MYH7B: variants seen among roughly 807,000 people sequenced by gnomAD.
MYH7B encodes myosin heavy chain 7B, also known as myosin-7B.
MYH7B carries 205 observed loss-of-function variants against 234.5 expected under a neutral mutation model. The ratio of observed to expected loss-of-function variants is 0.87; its 90% CI spans 0.78 to 0.98. The LOEUF is 0.98. Ranked by LOEUF, MYH7B falls within the 50% of genes least tolerant of loss-of-function variation. MYH7B has a pLI of 0.00. For synonymous variants in MYH7B, 1,193 were observed against 1,105.0 expected, an observed-to-expected ratio of 1.08 and a Z score of -1.58; for missense variants, 2,652 against 2,633.4, an observed-to-expected ratio of 1.01 and a Z score of -0.15.
chr20:34,974,393 G>T (rs951849481), intron 2 of MYH7B, among the ~76,000 whole-genome samples: 1 of 151,956 alleles, frequency 6.6e-6, no homozygotes, highest in Non-Finnish European at 1.5e-5. Flanking sequence ...GTCCTTGCAG[G>T]TTATAGTATT....
chr20:34,982,482 C>T (rs368227643), exon 10 of MYH7B: 95 of 1,613,808 alleles, frequency 5.9e-5, no homozygotes, highest in South Asian at 8.8e-5. Context: ...GCCGGTAAGA[C>T]GGTTAACACC....
At chr20:34,990,489 G>A in intron 22 of MYH7B, 179 bp downstream of exon 22, 4 of 909,398 alleles carry the variant, frequency 4.4e-6, no homozygotes, top group Non-Finnish European at 7.4e-6. Flanking sequence ...TACGCTGCCT[G>A]GGCAGGGTTT....
intron 30 of MYH7B, 109 bp from the exon 31 acceptor site, chr20:34,996,974 A>AT: frequency 1.2e-6 from 1 of 804,378 alleles, no homozygotes; most frequent in South Asian, 1.7e-5. Flanking sequence ...CAGCAGGTGC[A>AT]TGGGGTGAGG....
rs766178551 is a variant in MYH7B, at chr20:34,988,045, TC to T, written c.1417-43del. The T allele has an allele frequency of 6.3e-6, 10 of 1,589,866 alleles. No individual in the cohort carries two copies. The African/African-American group carries it at 1.2e-4, about 19-fold the overall frequency. On this transcript the variant is annotated intron_variant, in intron 18 of 44. Transcript: ENST00000262873. ...TCATGCCCCTCCCCGGGCCTCCCTT[TC>T]CCCATCTGCGAGAGGTCTGCTGAGC...
intron 2 of MYH7B, among the ~76,000 whole-genome samples, chr20:34,959,731 C>G (rs2081674912): frequency 6.6e-6 from 1 of 152,184 alleles, no homozygotes; most frequent in Non-Finnish European, 1.5e-5. Flanking sequence ...CCTGCCTCAG[C>G]CTCCCAAAGT....
chr20:34,965,579 G>A (rs1406192033), intron 2 of MYH7B, among the ~76,000 whole-genome samples: 1 of 152,250 alleles, frequency 6.6e-6, no homozygotes, highest in Non-Finnish European at 1.5e-5. Flanking sequence ...GACCTGTCTT[G>A]TGGGGTAGAC....
Position 34,990,990 on chromosome 20 carries a change from C to T in MYH7B, c.2066-14C>T, listed in dbSNP as rs1569049832. ...TGCCTGTTGACCTCTGACCTTTTCC[C>T]CTCTCACGTCCAGGGGTCATGGATG... On this transcript the variant is annotated splice_polypyrimidine_tract_variant and intron_variant, in intron 23 of 44. Coordinates refer to ENST00000262873, the Ensembl canonical transcript of MYH7B. 3 of 1,604,714 alleles carry T rather than the reference C, an allele frequency of 1.9e-6. No individual in the cohort carries two copies. The highest frequency in any genetic ancestry group is 1.7e-5 in the Admixed American group (1 of 59,484).
chr20:34,998,908 G>A, exon 35 of MYH7B: 2 of 1,611,690 alleles, frequency 1.2e-6, no homozygotes, highest in Non-Finnish European at 1.7e-6. Flanking sequence ...GGAGCTGGAG[G>A]AGGCCAAGTG....
chr20:34,989,558 A>G (rs1885114), intron 19 of MYH7B, among the ~76,000 whole-genome samples, 182 bp from the exon 20 acceptor site: 60,361 of 152,026 alleles, frequency 0.4, 13,219 homozygotes, highest in East Asian at 0.58. Context: ...CCAAGCCACA[A>G]ACTTTTCTCT....
exon 19 of MYH7B, chr20:34,988,182 G>C: frequency 6.2e-7 from 1 of 1,614,190 alleles, no homozygotes; most frequent in Non-Finnish European, 8.5e-7. Flanking sequence ...GGAGCAGGAG[G>C]AGTACAAGCG....
At chr20:34,977,738 G>GGGGCCC in intron 4 of MYH7B, 58 bp downstream of exon 4, 1 of 317,154 alleles carries the variant, frequency 3.2e-6, no homozygotes. Flanking sequence ...GGGCGGGTGG[G>GGGGCCC]TGAGGGTGCC....
At chr20:34,986,113 G>C in exon 14 of MYH7B, 2 of 1,586,050 alleles carry the variant, frequency 1.3e-6, no homozygotes, top group Non-Finnish European at 1.7e-6. Flanking sequence ...TCCTGGAGAA[G>C]TCGCGGGTGA....
At chr20:34,979,401 G>T (rs758306743) in exon 6 of MYH7B, 2 of 1,613,272 alleles carry the variant, frequency 1.2e-6, no homozygotes, top group Non-Finnish European at 1.7e-6. Flanking sequence ...GAAGAAGCGA[G>T]TCTGGGTGCC....
At position 34,979,783 on chromosome 20, in the gene MYH7B, C is replaced by T; in HGVS notation, c.321C>T (p.Arg107=). ...CTGTGCTGCACAACCTGCGCCAGCG[C>T]TATGCCCGCTGGATGATCTATGTGA... Residue 107 remains arginine (R), a synonymous_variant, in exon 7 of 45, where the codon CGC becomes CGT. Coordinates refer to ENST00000262873, the Ensembl canonical transcript of MYH7B. The T allele has an allele frequency of 6.2e-7, 1 of 1,613,978 alleles. No homozygotes were observed. Among genetic ancestry groups the T allele is most frequent in the Middle Eastern group, 1.7e-4 (1 of 6,060 alleles).
At chr20:34,964,478 G>A (rs1366845579) in intron 2 of MYH7B, among the ~76,000 whole-genome samples, 1 of 152,192 alleles carries the variant, frequency 6.6e-6, no homozygotes, top group African/African-American at 2.4e-5. Context: ...GGGGCAGGCT[G>A]ACAACTCTAG....
At chr20:35,001,142 A>C (rs376638548) in exon 41 of MYH7B, 4 of 1,613,694 alleles carry the variant, frequency 2.5e-6, no homozygotes, top group Non-Finnish European at 3.4e-6. Flanking sequence ...AAGCAGGTGC[A>C]GAAGCTGGAG....
chr20:34,976,025 A>G (rs2081850104), intron 3 of MYH7B, among the ~76,000 whole-genome samples: 1 of 152,188 alleles, frequency 6.6e-6, no homozygotes, highest in Non-Finnish European at 1.5e-5. Context: ...CGGCACTGTA[A>G]TTTTAAATGT....
Position 35,001,240 on chromosome 20 carries a change from T to C in MYH7B, c.5476-5T>C. On this transcript the variant is annotated splice_polypyrimidine_tract_variant and splice_region_variant and intron_variant, in intron 41 of 44. Transcript: ENST00000262873. ...CTTGGCATCAGGCTGTCCCCCTGCC[T>C]GCAGGTACGGGAGCTGGAGGCTGAG... The C allele has an allele frequency of 6.2e-7, 1 of 1,609,016 alleles. No homozygotes were observed. Among genetic ancestry groups the C allele is most frequent in the South Asian group, 1.1e-5 (1 of 90,580 alleles).
chr20:34,980,542 A>G (rs2081925432), intron 7 of MYH7B, 36 bp from the exon 8 acceptor site: 2 of 1,567,568 alleles, frequency 1.3e-6, no homozygotes, highest in East Asian at 4.5e-5. Context: ...CATCTCAAAA[A>G]CAACAACATA....
Sources: gnomAD v4.1 joint callset for allele counts (sites outside exome capture counted in the v4.1 genomes callset) on GRCh38, gnomAD v4.1.1 for gene constraint, MANE v1.5 for transcripts, NCBI Gene and HGNC (gene_info 2026-07-23, HGNC 2026-07-21) for gene names.